PDE3B: variants seen among roughly 807,000 people sequenced by gnomAD.
The protein encoded by PDE3B is phosphodiesterase 3B, also known as cGMP-inhibited 3',5'-cyclic phosphodiesterase 3B.
A neutral mutation model predicts 116.8 loss-of-function variants in PDE3B; 66 were observed. The observed-to-expected ratio is 0.56, with a 90% CI of 0.46 to 0.69. The LOEUF is 0.69. Ranked by LOEUF, PDE3B falls within the 30% of genes least tolerant of loss-of-function variation. The pLI is 0.00. For synonymous variants in PDE3B, 595 were observed against 533.6 expected (o/e 1.12, Z -1.59); for missense variants, 1,384 against 1,368.1 (o/e 1.01, Z -0.18).
At chr11:14,666,213 G>A (rs1476793240) in intron 1 of PDE3B, among the ~76,000 whole-genome samples, 25 of 148,502 alleles carry the variant, frequency 1.7e-4, no homozygotes, top group East Asian at 2.0e-4. Context: ...ATGGTGCTGG[G>A]AAAACTGGCT....
chr11:14,731,967 G>A (rs1351932832), intron 1 of PDE3B, among the ~76,000 whole-genome samples: 2 of 152,140 alleles, frequency 1.3e-5, no homozygotes, highest in South Asian at 2.1e-4. Context: ...AGGGTAAAGG[G>A]GAATTCTAGG....
chr11:14,894,029 G>A, the PDE3B span, among the ~76,000 whole-genome samples: 4 of 152,070 alleles, frequency 2.6e-5, no homozygotes, highest in East Asian at 1.9e-4. Context: ...CATCTCCCAC[G>A]CAAGGACACT....
chr11:14,737,996 A>C (rs1047212105), intron 1 of PDE3B, among the ~76,000 whole-genome samples: 2 of 151,984 alleles, frequency 1.3e-5, no homozygotes, highest in African/African-American at 4.8e-5. Context: ...TATGTGCCAC[A>C]TTTTCTTAAT....
At chr11:14,885,957 T>G in the PDE3B span, 4 of 1,595,174 alleles carry the variant, frequency 2.5e-6, no homozygotes, top group African/African-American at 2.7e-5. Flanking sequence ...AATGACAGCA[T>G]GTATGGAGAA....
chr11:14,658,565 C>A (rs1853788637), intron 1 of PDE3B, among the ~76,000 whole-genome samples: 1 of 152,098 alleles, frequency 6.6e-6, no homozygotes, highest in African/African-American at 2.4e-5. Context: ...CCATGTTGGC[C>A]AGGCTGGTCT....
At chr11:14,835,906 G>A (rs1196502051) in intron 11 of PDE3B, among the ~76,000 whole-genome samples, 1 of 152,212 alleles carries the variant, frequency 6.6e-6, no homozygotes, top group Non-Finnish European at 1.5e-5. Flanking sequence ...GCTGCAGTGA[G>A]CCATGATTAT....
chr11:14,669,942 CT>C (rs1310497999), intron 1 of PDE3B, among the ~76,000 whole-genome samples: 1 of 152,074 alleles, frequency 6.6e-6, no homozygotes, highest in Non-Finnish European at 1.5e-5. Context: ...AAATGTTAAT[CT>C]TTATATTGCA....
intron 1 of PDE3B, among the ~76,000 whole-genome samples, chr11:14,649,534 A>G (rs1853505964): frequency 6.6e-6 from 1 of 152,192 alleles, no homozygotes; most frequent in African/African-American, 2.4e-5. Flanking sequence ...ACTTCCCATC[A>G]TAGCCTTCCA....
intron 4 of PDE3B, 47 bp downstream of exon 4, chr11:14,789,289 C>T: frequency 6.8e-7 from 1 of 1,461,238 alleles, no homozygotes; most frequent in South Asian, 1.2e-5. Flanking sequence ...AATGCATCTA[C>T]TTTGTTTCTG....
intron 1 of PDE3B, among the ~76,000 whole-genome samples, chr11:14,758,002 G>A (rs1415478714): frequency 7.5e-4 from 113 of 151,594 alleles, no homozygotes; most frequent in African/African-American, 1.6e-3. Flanking sequence ...GAAGGGATCC[G>A]GTTTCAGCTT....
intron 1 of PDE3B, among the ~76,000 whole-genome samples, chr11:14,669,769 G>T (rs1244454541): frequency 6.6e-6 from 1 of 152,062 alleles, no homozygotes; most frequent in Non-Finnish European, 1.5e-5. Context: ...AGTATCTGCA[G>T]TATCGGAGGA....
At chr11:14,794,506 G>T (rs903355559) in intron 4 of PDE3B, among the ~76,000 whole-genome samples, 1 of 151,940 alleles carries the variant, frequency 6.6e-6, no homozygotes. Flanking sequence ...TAGAGACGGG[G>T]TTTCACCATG....
chr11:14,723,415 C>G (rs1856182430), intron 1 of PDE3B, among the ~76,000 whole-genome samples: 1 of 152,120 alleles, frequency 6.6e-6, no homozygotes, highest in Admixed American at 6.6e-5. Context: ...TATTTACAGA[C>G]TGAGGTCAGT....
intron 12 of PDE3B, among the ~76,000 whole-genome samples, chr11:14,846,008 G>A (rs1217377556): frequency 3.3e-5 from 5 of 152,038 alleles, no homozygotes; most frequent in African/African-American, 9.7e-5. Flanking sequence ...GATACTCCTC[G>A]AGAAGAGCAA....
intron 5 of PDE3B, among the ~76,000 whole-genome samples, chr11:14,806,872 A>AAAAAAAAAG (rs1298461816): frequency 3.1e-4 from 46 of 149,092 alleles, no homozygotes; most frequent in Non-Finnish European, 4.6e-4. Flanking sequence ...AAAAAAAAAA[A>AAAAAAAAAG]AAAAAAAAGA....
intron 1 of PDE3B, among the ~76,000 whole-genome samples, chr11:14,744,035 T>C (rs1856841397): frequency 6.6e-6 from 1 of 152,184 alleles, no homozygotes; most frequent in Non-Finnish European, 1.5e-5. Context: ...ATCAAAGAGA[T>C]TAGTTTTATA....
intron 1 of PDE3B, among the ~76,000 whole-genome samples, chr11:14,694,384 C>T (rs1367993627): frequency 1.3e-5 from 2 of 152,166 alleles, no homozygotes; most frequent in Non-Finnish European, 1.5e-5. Flanking sequence ...TGATGTGGCA[C>T]ACTTCACTGT....
chr11:14,802,477 A>G (rs2133933258), intron 4 of PDE3B, among the ~76,000 whole-genome samples: 1 of 152,250 alleles, frequency 6.6e-6, no homozygotes, highest in Middle Eastern at 3.4e-3. Context: ...TTTGGGCTGC[A>G]TCCACTGTTC....
At chr11:14,899,176 A>G in the PDE3B span, among the ~76,000 whole-genome samples, 1 of 152,194 alleles carries the variant, frequency 6.6e-6, no homozygotes, top group East Asian at 1.9e-4. Flanking sequence ...CGCACTGCCA[A>G]TTACCTTTCC....
Sources: gnomAD v4.1 joint callset for allele counts (sites outside exome capture counted in the v4.1 genomes callset) on GRCh38, gnomAD v4.1.1 for gene constraint, MANE v1.5 for transcripts, NCBI Gene and HGNC (gene_info 2026-07-23, HGNC 2026-07-21) for gene names.